Variants in MLLT3 observed in about 807,000 individuals in gnomAD.
MLLT3 encodes protein AF-9.
MLLT3 carries 4 observed loss-of-function variants against 53.2 expected under a neutral mutation model. That is an observed-to-expected ratio of 0.08 (90% CI 0.04 to 0.17). MLLT3 has a LOEUF of 0.17. MLLT3 is among the 10% of genes least tolerant of loss of function. The probability of loss-of-function intolerance (pLI) is 1.00; values close to 1 mark genes in which losing one functional copy is unlikely to be tolerated. For synonymous variants in MLLT3, 283 were observed against 230.6 expected (o/e 1.23, Z -2.06); for missense variants, 569 against 684.0 (o/e 0.83, Z 1.87).
chr9:20,506,308 TG>T (rs1308642019), intron 2 of MLLT3, among the ~76,000 whole-genome samples: 3 of 152,186 alleles, frequency 2.0e-5, no homozygotes, highest in African/African-American at 7.2e-5. Context: ...CCCGAAGTGC[TG>T]GGATTACAGG....
chr9:20,563,613 C>T (rs1441845755), intron 2 of MLLT3, among the ~76,000 whole-genome samples: 1 of 152,024 alleles, frequency 6.6e-6, no homozygotes, highest in Non-Finnish European at 1.5e-5. Context: ...CTGGATGGTG[C>T]TTTTAATTTC....
At chr9:20,497,353 T>C (rs1295103514) in intron 2 of MLLT3, among the ~76,000 whole-genome samples, 1 of 152,194 alleles carries the variant, frequency 6.6e-6, no homozygotes, top group Non-Finnish European at 1.5e-5. Flanking sequence ...GACATAAATA[T>C]ATACCCAGGA....
chr9:20,394,683 A>G (rs1483307241), intron 5 of MLLT3, among the ~76,000 whole-genome samples: 2 of 152,160 alleles, frequency 1.3e-5, no homozygotes, highest in South Asian at 4.1e-4. Context: ...CTTTAGTCAC[A>G]AAGTGTTAGA....
intron 2 of MLLT3, among the ~76,000 whole-genome samples, chr9:20,508,865 T>C (rs1307614206): frequency 1.3e-5 from 2 of 152,226 alleles, no homozygotes; most frequent in African/African-American, 2.4e-5. Flanking sequence ...CTAATTCATA[T>C]GGCTGTCGTC....
chr9:20,551,435 A>T (rs942610315), intron 2 of MLLT3, among the ~76,000 whole-genome samples: 8 of 152,186 alleles, frequency 5.3e-5, no homozygotes, highest in Non-Finnish European at 1.2e-4. Context: ...AAATTATTAC[A>T]TGGACCTGCT....
intron 4 of MLLT3, among the ~76,000 whole-genome samples, chr9:20,436,318 G>A (rs1016941575): frequency 5.3e-5 from 8 of 152,184 alleles, no homozygotes; most frequent in African/African-American, 1.7e-4. Flanking sequence ...ATAGGTTGAT[G>A]CTGGCTTTAA....
At chr9:20,551,229 A>G (rs1219900474) in intron 2 of MLLT3, among the ~76,000 whole-genome samples, 4 of 152,252 alleles carry the variant, frequency 2.6e-5, no homozygotes, top group African/African-American at 4.8e-5. Context: ...AGGCTCCCCA[A>G]GAAAGAATAA....
intron 5 of MLLT3, among the ~76,000 whole-genome samples, chr9:20,403,354 A>T (rs1278371678): frequency 1.3e-5 from 2 of 152,242 alleles, no homozygotes; most frequent in Non-Finnish European, 2.9e-5. Context: ...CTAAATACAG[A>T]AGAGAGACCA....
chr9:20,364,563 C>A (rs1563937707), intron 6 of MLLT3, among the ~76,000 whole-genome samples: 2 of 152,200 alleles, frequency 1.3e-5, no homozygotes, highest in Non-Finnish European at 2.9e-5. Flanking sequence ...TATCTTGACT[C>A]CCTACAATCT....
chr9:20,622,063 G>A, intron 1 of MLLT3, 182 bp downstream of exon 1: 1 of 197,464 alleles, frequency 5.1e-6, no homozygotes, highest in Non-Finnish European at 7.5e-6. Context: ...CTGTGTGCGC[G>A]CCGGGGGGGG....
At chr9:20,552,805 C>T (rs1179134928) in intron 2 of MLLT3, among the ~76,000 whole-genome samples, 2 of 151,898 alleles carry the variant, frequency 1.3e-5, no homozygotes, top group Non-Finnish European at 2.9e-5. Context: ...CTAGTATTAC[C>T]ATATAAAAAT....
intron 2 of MLLT3, among the ~76,000 whole-genome samples, chr9:20,579,381 AG>A (rs1475431418): frequency 1.3e-5 from 2 of 152,080 alleles, no homozygotes; most frequent in Non-Finnish European, 2.9e-5. Flanking sequence ...TCTATTAAAA[AG>A]AAAAAAAAAT....
At chr9:20,506,547 C>G (rs1825386210) in intron 2 of MLLT3, among the ~76,000 whole-genome samples, 1 of 151,956 alleles carries the variant, frequency 6.6e-6, no homozygotes, top group Non-Finnish European at 1.5e-5. Flanking sequence ...TATAAGGATA[C>G]AGATTTCTGG....
At chr9:20,587,760 G>C (rs1002070988) in intron 2 of MLLT3, among the ~76,000 whole-genome samples, 1 of 151,902 alleles carries the variant, frequency 6.6e-6, no homozygotes, top group Non-Finnish European at 1.5e-5. Flanking sequence ...CAGATGAGTA[G>C]GTTGAGAAAA....
At chr9:20,361,489 C>T (rs1374940852) in intron 7 of MLLT3, among the ~76,000 whole-genome samples, 1 of 152,160 alleles carries the variant, frequency 6.6e-6, no homozygotes, top group Admixed American at 6.5e-5. Context: ...AGGACCATTA[C>T]CAATCATTTC....
chr9:20,449,286 G>A (rs1439569786), intron 3 of MLLT3, among the ~76,000 whole-genome samples: 1 of 152,132 alleles, frequency 6.6e-6, no homozygotes, highest in Non-Finnish European at 1.5e-5. Flanking sequence ...ATACACAGTA[G>A]AAATGCAGTG....
At position 20,342,541 on chromosome 9, in the gene MLLT3, A is replaced by G. The variant is rs1820759948; in HGVS notation, c.*3902T>C. ...AACTCTATTTTCAGAATACTGGAGTACAAGTGCCAAAATACACATTTACAG... is the reference window on the plus strand; with the variant it reads ...AACTCTATTTTCAGAATACTGGAGTGCAAGTGCCAAAATACACATTTACAG... On this transcript the variant is annotated 3_prime_UTR_variant, in exon 11 of 11. Transcript: ENST00000380338. 4.5e-6 allele frequency: 1 copy of G among 221,400 alleles called. No homozygotes were observed. Among genetic ancestry groups the G allele is most frequent in the Non-Finnish European group, 9.0e-6 (1 of 110,710 alleles). The allele number at this position is 221,400 out of a possible 1,614,324, so 13.7% of individuals were successfully genotyped here. A position where few individuals can be genotyped will look rare whatever the true frequency, so the allele number is the denominator to read the frequency against.
rs1820820159 is a variant in MLLT3 at position 20,344,651 on chromosome 9, G to A, written c.*1792C>T. Reference sequence around the variant, plus strand: ...ACGCTTCAGAGAAATAATTTACAAGGAGCATGGCTGTATTATAATTTTTTA... The same window carrying A: ...ACGCTTCAGAGAAATAATTTACAAGAAGCATGGCTGTATTATAATTTTTTA... On this transcript the variant is annotated 3_prime_UTR_variant, in exon 11 of 11. Coordinates refer to ENST00000380338, the MANE Select transcript of MLLT3 (RefSeq NM_004529.4). 4.8e-6 allele frequency: 1 copy of A among 208,832 alleles called. No individual in the cohort carries two copies. Among genetic ancestry groups the A allele is most frequent in the African/African-American group, 2.3e-5 (1 of 44,028 alleles). 12.9% of individuals were successfully genotyped at this position (208,832 alleles called of 1,614,324 possible). A position where few individuals can be genotyped will look rare whatever the true frequency, so the allele number is the denominator to read the frequency against.
At chr9:20,590,183 T>C (rs1240888484) in intron 2 of MLLT3, among the ~76,000 whole-genome samples, 1 of 152,186 alleles carries the variant, frequency 6.6e-6, no homozygotes, top group East Asian at 1.9e-4. Flanking sequence ...ATTACACACA[T>C]TTCAATGGGC....
Sources: gnomAD v4.1 joint callset for allele counts (sites outside exome capture counted in the v4.1 genomes callset) on GRCh38, gnomAD v4.1.1 for gene constraint, MANE v1.5 for transcripts, NCBI Gene and HGNC (gene_info 2026-07-23, HGNC 2026-07-21) for gene names.